The following MEI4 variants were observed in gnomAD, a reference collection of about 807,000 sequenced individuals.
The protein encoded by MEI4 is meiotic double-stranded break formation protein 4, also known as meiosis-specific protein MEI4.
A neutral mutation model predicts 31.4 loss-of-function variants in MEI4; 27 were observed. The observed-to-expected ratio is 0.86, with a 90% CI of 0.63 to 1.19. The LOEUF is 1.19. MEI4 is among the 50% of genes most tolerant of loss of function. The pLI, the probability that MEI4 is intolerant of heterozygous loss-of-function variation, is 0.00. For missense variants in MEI4, 329 were observed against 398.9 expected (o/e 0.82, Z 1.49); for synonymous variants, 122 against 145.4 (o/e 0.84, Z 1.16).
chr6:77,703,994 G>A (rs1392838332), intron 2 of MEI4, among the ~76,000 whole-genome samples: 2 of 152,132 alleles, frequency 1.3e-5, no homozygotes, highest in Non-Finnish European at 2.9e-5. Context: ...GAAGGAACCA[G>A]CAGAGAGAGA....
chr6:77,802,226 G>T (rs1769284991), intron 3 of MEI4, among the ~76,000 whole-genome samples: 1 of 152,100 alleles, frequency 6.6e-6, no homozygotes, highest in Admixed American at 6.5e-5. Context: ...CTTATGTAAT[G>T]GCCTTATTTG....
intron 2 of MEI4, among the ~76,000 whole-genome samples, chr6:77,739,152 GC>G (rs1414520691): frequency 6.6e-6 from 1 of 152,056 alleles, no homozygotes. Flanking sequence ...TGAAGTCTTT[GC>G]CCATGCCTAT....
At chr6:77,882,236 C>T (rs989119604) in intron 4 of MEI4, among the ~76,000 whole-genome samples, 2 of 152,136 alleles carry the variant, frequency 1.3e-5, no homozygotes, top group South Asian at 2.1e-4. Flanking sequence ...TGCATCACCC[C>T]CCCAGTGTAT....
intron 4 of MEI4, among the ~76,000 whole-genome samples, chr6:77,870,104 C>T (rs1026106123): frequency 2.0e-5 from 3 of 152,062 alleles, no homozygotes; most frequent in Non-Finnish European, 2.9e-5. Context: ...CCCCAACTTG[C>T]AACAATTCAG....
intron 4 of MEI4, among the ~76,000 whole-genome samples, chr6:77,894,575 T>A (rs185690451): frequency 3.1e-4 from 47 of 152,326 alleles, no homozygotes; most frequent in African/African-American, 1.1e-3. Context: ...ATAAATATGA[T>A]GCCTTTTAAT....
In MEI4 at chr6:77,799,875, C is replaced by G. The variant is rs533723461; in HGVS notation, c.769-29056C>G. On this transcript the variant is annotated intron_variant, in intron 3 of 4. Coordinates refer to ENST00000684080, the MANE Select transcript of MEI4 (RefSeq NM_001322247.2). The stretch of plus-strand genomic sequence containing the variant: ...CTATATCTCTGCTTTGGTACTGGTA[C>G]CATGCTGTTTTGGTTACTGTAGCCT... Among the ~76,000 whole-genome samples the G allele has an allele frequency of 3.2e-4, 48 of 152,192 alleles. 1 individual carries two copies. The East Asian group carries it at 6.2e-3, about 20-fold the overall frequency.
In MEI4 at chr6:77,699,189, CT is replaced by C. The variant is rs70974682; in HGVS notation, c.232+8304del. On this transcript the variant is annotated intron_variant, in intron 2 of 4. Coordinates refer to ENST00000684080, the MANE Select transcript of MEI4 (RefSeq NM_001322247.2). ...TTCGTCTAATTTTTTTTCAAAGTTT[CT>C]TTTTTTTTTTTTTTTTTGAGACGGA... 7.3e-3 allele frequency among the ~76,000 whole-genome samples: 830 copies of C among 113,732 alleles called. 5 individuals carry two copies. The highest frequency in any genetic ancestry group is 0.024 in the African/African-American group (696 of 28,960). The allele number at this position is 113,732 out of a possible 152,430, so 74.6% of individuals were successfully genotyped here.
intron 2 of MEI4, among the ~76,000 whole-genome samples, chr6:77,693,747 C>T (rs1317848881): frequency 1.3e-5 from 2 of 152,034 alleles, no homozygotes; most frequent in Non-Finnish European, 2.9e-5. Flanking sequence ...AAAGGAAGAA[C>T]ATGGCAGTTA....
chr6:77,892,662 TATAGG>T (rs1197125343), intron 4 of MEI4, among the ~76,000 whole-genome samples: 1 of 152,152 alleles, frequency 6.6e-6, no homozygotes, highest in Non-Finnish European at 1.5e-5. Context: ...TTTCCTAGGC[TATAGG>T]ACACTGCATG....
chr6:77,735,895 G>T (rs1767187825), intron 2 of MEI4, among the ~76,000 whole-genome samples: 1 of 151,524 alleles, frequency 6.6e-6, no homozygotes, highest in African/African-American at 2.4e-5. Flanking sequence ...ACCCGGCCGT[G>T]TGAGGTGTCA....
At chr6:77,663,411 G>A (rs948203459) in intron 1 of MEI4, among the ~76,000 whole-genome samples, 25 of 151,930 alleles carry the variant, frequency 1.6e-4, no homozygotes, top group Non-Finnish European at 1.5e-4. Flanking sequence ...AAGGTGGGGG[G>A]ATACAAGAGG....
intron 3 of MEI4, among the ~76,000 whole-genome samples, chr6:77,766,482 C>T (rs1200972770): frequency 3.3e-5 from 5 of 152,148 alleles, no homozygotes; most frequent in East Asian, 1.9e-4. Context: ...GGCACAATCT[C>T]GGCTCACTGC....
rs186350453 is a variant in MEI4 at position 77,771,358 on chromosome 6, G to A, written c.768+9693G>A. Among the ~76,000 whole-genome samples, 41 of 152,096 alleles carry A rather than the reference G, an allele frequency of 2.7e-4. No individual in the cohort carries two copies. In the East Asian group the frequency reaches 7.8e-3, roughly 29 times the overall value. On this transcript the variant is annotated intron_variant, in intron 3 of 4. Transcript: ENST00000684080. The stretch of plus-strand genomic sequence containing the variant: ...GTTGGGGGGAGTGTAAATTAATTCA[G>A]CCATTGTGGAAAGTATTGTGGTGAT...
intron 4 of MEI4, among the ~76,000 whole-genome samples, chr6:77,870,930 T>A (rs565574111): frequency 6.6e-6 from 1 of 152,214 alleles, no homozygotes; most frequent in East Asian, 1.9e-4. Context: ...AGGTTTGGTT[T>A]GAGGGAGATT....
rs939796796 is a variant in MEI4 at position 77,834,588 on chromosome 6, A to G, written c.900+5526A>G. Among the ~76,000 whole-genome samples the G allele has an allele frequency of 3.9e-5, 6 of 152,080 alleles. 1 individual carries two copies. The highest frequency in any genetic ancestry group is 6.8e-3 in the Middle Eastern group (2 of 292). Reference sequence around the variant, plus strand: ...ATAAAGTACACTGACACACTCATATATTCTGCTTTGCCAGTCCAGCTGAGG... The same window carrying G: ...ATAAAGTACACTGACACACTCATATGTTCTGCTTTGCCAGTCCAGCTGAGG... On this transcript the variant is annotated intron_variant, in intron 4 of 4. Coordinates refer to ENST00000684080, the MANE Select transcript of MEI4 (RefSeq NM_001322247.2).
At chr6:77,692,898 G>A (rs1202352951) in intron 2 of MEI4, among the ~76,000 whole-genome samples, 1 of 151,996 alleles carries the variant, frequency 6.6e-6, no homozygotes, top group Non-Finnish European at 1.5e-5. Context: ...ACAGACTTAG[G>A]ATCTGTTGGA....
At chr6:77,773,792 A>G (rs934966773) in intron 3 of MEI4, among the ~76,000 whole-genome samples, 1 of 152,070 alleles carries the variant, frequency 6.6e-6, no homozygotes, top group African/African-American at 2.4e-5. Context: ...TAACTAGACT[A>G]TATCAGCAGC....
intron 4 of MEI4, among the ~76,000 whole-genome samples, chr6:77,883,745 A>ATATATATATAT (rs55947073): frequency 0.052 from 4,294 of 81,848 alleles, 376 homozygotes; most frequent in African/African-American, 0.11. Context: ...TATATATATA[A>ATATATATATAT]CTTTGTCTTT....
intron 2 of MEI4, among the ~76,000 whole-genome samples, chr6:77,717,074 A>G (rs1766599392): frequency 7.1e-6 from 1 of 140,706 alleles, no homozygotes; most frequent in Non-Finnish European, 1.5e-5. Context: ...ACCAGCGTTC[A>G]GCATATGGAG....
Sources: allele counts gnomAD v4.1 joint callset (sites outside exome capture counted in the v4.1 genomes callset), GRCh38; gene constraint gnomAD v4.1.1; transcripts MANE v1.5; gene names NCBI Gene and HGNC (gene_info 2026-07-23, HGNC 2026-07-21).